ZBTB43: variants seen among roughly 807,000 people sequenced by gnomAD.
ZBTB43 encodes the protein zinc finger and BTB domain containing 43.
ZBTB43 carries 6 observed loss-of-function variants against 31.1 expected under a neutral mutation model. The ratio of observed to expected loss-of-function variants is 0.19; its 90% CI spans 0.11 to 0.38. ZBTB43 has a LOEUF of 0.38. Among genes scored for constraint, ZBTB43 ranks in the 10% least tolerant of loss-of-function variants. ZBTB43 has a pLI of 1.00. For missense variants in ZBTB43, 379 were observed against 602.1 expected (o/e 0.63, Z 3.88); for synonymous variants, 212 against 221.7 (o/e 0.96, Z 0.39).
rs185324502 is a variant in ZBTB43 at position 126,837,275 on chromosome 9, T to C, written c.*3362T>C. On this transcript the variant is annotated 3_prime_UTR_variant, in exon 3 of 3. Transcript: ENST00000373464. ...CGCTCCAGGCCCCCAGCCTGTTGAT[T>C]CCGATTTCTAGGTCTCATCTTCCTC... is the stretch of plus-strand genomic sequence containing the variant. 22 of 167,194 alleles carry C rather than the reference T, an allele frequency of 1.3e-4. No homozygotes were observed. The highest frequency in any genetic ancestry group is 4.6e-4 in the African/African-American group (19 of 41,560). 10.4% of individuals were successfully genotyped at this position (167,194 alleles called of 1,614,324 possible).
At chr9:126,826,411 T>C (rs1339451680) in intron 2 of ZBTB43, among the ~76,000 whole-genome samples, 3 of 149,582 alleles carry the variant, frequency 2.0e-5, no homozygotes, top group Non-Finnish European at 4.4e-5. Flanking sequence ...CCTTCCAAAG[T>C]GCTGAGATTA....
rs1254058190 is a variant in ZBTB43, at chr9:126,838,107, TTTAC to T, written c.*4198_*4201del. On this transcript the variant is annotated 3_prime_UTR_variant, in exon 3 of 3. Coordinates refer to ENST00000373464, the MANE Select transcript of ZBTB43 (RefSeq NM_014007.4). ...TGCTGTCTTCAGTGTACAGCATGGT[TTTAC>T]TTAATTGAATGTTAATGTTTAATAT... 6.0e-6 allele frequency: 1 copy of T among 166,828 alleles called. No homozygotes were observed. The highest frequency in any genetic ancestry group is 1.5e-5 in the Non-Finnish European group (1 of 68,108). The allele number at this position is 166,828 out of a possible 1,614,324, so 10.3% of individuals were successfully genotyped here.
At chr9:126,821,713 C>G (rs1003858713) in intron 2 of ZBTB43, among the ~76,000 whole-genome samples, 5 of 152,166 alleles carry the variant, frequency 3.3e-5, no homozygotes, top group Non-Finnish European at 7.3e-5. Context: ...GGACTCTACT[C>G]CTGGTGAAGA....
chr9:126,813,719 A>G (rs1043724963), intron 2 of ZBTB43, among the ~76,000 whole-genome samples: 1 of 151,848 alleles, frequency 6.6e-6, no homozygotes, highest in South Asian at 2.1e-4. Context: ...GTGATTTATA[A>G]TTTTTCTTTC....
chr9:126,821,618 C>G (rs2032510176), intron 2 of ZBTB43, among the ~76,000 whole-genome samples: 4 of 152,130 alleles, frequency 2.6e-5, no homozygotes. Flanking sequence ...GAAGATGGGA[C>G]TGAATTATTG....
intron 1 of ZBTB43, among the ~76,000 whole-genome samples, chr9:126,805,846 C>T (rs1166431925): frequency 6.8e-6 from 1 of 146,600 alleles, no homozygotes; most frequent in Non-Finnish European, 1.5e-5. Flanking sequence ...TGCCTCTTGT[C>T]TCTCTTTCCT....
chr9:126,806,660 A>C (rs1235538562), intron 1 of ZBTB43, among the ~76,000 whole-genome samples: 2 of 152,244 alleles, frequency 1.3e-5, no homozygotes, highest in African/African-American at 4.8e-5. Context: ...AATACAAAAA[A>C]CAAAAACAGT....
Position 126,833,902 on chromosome 9 carries a change from G to A in ZBTB43, c.1393G>A (p.Glu465Lys), listed in dbSNP as rs1407319320. ...TGCAAAGGCTGAGCAGAATACAACT[G>A]AGGCTAACTAAAAATAGGATCTGGC... ...EAAKAEQNTT[E>K]AN Residue 465 changes from glutamate to lysine, a missense_variant, in exon 3 of 3, where the codon GAG (glutamate) becomes AAG (lysine). Around this residue, in one of 5 missense-constraint regions of ZBTB43, gnomAD observed 21 missense variants for 22.4 expected, o/e 0.94. Coordinates refer to ENST00000373464, the MANE Select transcript of ZBTB43 (RefSeq NM_014007.4). This position sits in a 1 kb window ranked among gnomAD's most constrained non-coding sequence, Gnocchi z 7.9. 1.9e-6 allele frequency: 3 copies of A among 1,574,532 alleles called. No homozygotes were observed. Among genetic ancestry groups the A allele is most frequent in the Non-Finnish European group, 1.7e-6 (2 of 1,151,730 alleles).
chr9:126,815,188 A>G (rs1309551514), intron 2 of ZBTB43, among the ~76,000 whole-genome samples: 2 of 148,776 alleles, frequency 1.3e-5, no homozygotes, highest in Non-Finnish European at 3.0e-5. Context: ...TGTATTGTTT[A>G]TATATATAGT....
rs144022095 is a variant in ZBTB43, at chr9:126,833,726, G to A, written c.1217G>A (p.Gly406Asp). 6.2e-6 allele frequency: 10 copies of A among 1,610,024 alleles called. No individual in the cohort carries two copies. The highest frequency in any genetic ancestry group is 8.5e-6 in the Non-Finnish European group (10 of 1,176,564). The change falls in exon 3 of 3, where the codon GGT becomes GAT. Residue 406 changes from glycine to aspartate, a missense_variant. By Grantham distance (94) the Gly-to-Asp change is moderately conservative. Around this residue, in one of 5 missense-constraint regions of ZBTB43, gnomAD observed 23 missense variants for 105.1 expected, o/e 0.22. Transcript: ENST00000373464. The surrounding 1 kb of genome is among the most constrained non-coding windows in gnomAD (Gnocchi z 7.9). ...GLRPYGCGVC[G>D]KKFKMKHHLV... ...CGGCCTTACGGCTGTGGGGTCTGCG[G>A]TAAGAAATTCAAAATGAAGCACCAT...
intron 1 of ZBTB43, among the ~76,000 whole-genome samples, chr9:126,807,180 T>G (rs1252381625): frequency 6.6e-6 from 1 of 152,222 alleles, no homozygotes; most frequent in Non-Finnish European, 1.5e-5. Flanking sequence ...ATGCTGTTAT[T>G]TCATGTACCA....
chr9:126,818,130 T>C (rs919098155), intron 2 of ZBTB43, among the ~76,000 whole-genome samples: 9 of 149,304 alleles, frequency 6.0e-5, no homozygotes, highest in Admixed American at 3.3e-4. Flanking sequence ...TTTTTTTTTT[T>C]TTTTCCTTTT....
At position 126,832,949 on chromosome 9, in the gene ZBTB43, G is replaced by A. The variant is rs1377013341; in HGVS notation, c.440G>A (p.Ser147Asn). 1 of 1,613,704 alleles carries A rather than the reference G, an allele frequency of 6.2e-7. No homozygotes were observed. Among genetic ancestry groups the A allele is most frequent in the Non-Finnish European group, 8.5e-7 (1 of 1,180,036 alleles). Residue 147 changes from serine (S) to asparagine (N), a missense_variant, in exon 3 of 3, where the codon AGT becomes AAT. This residue lies in a region of ZBTB43 where 253 missense variants were observed against 322.3 expected (regional missense o/e 0.79). Coordinates refer to ENST00000373464, the MANE Select transcript of ZBTB43 (RefSeq NM_014007.4). Reference protein sequence around the residue: ...GSDHQSPSSSSYNGLVESFEL... With the variant: ...GSDHQSPSSSNYNGLVESFEL... ...GACCACCAGTCACCAAGCAGCAGTAGTTATAATGGCCTGGTAGAGAGCTTT... is the reference window on the plus strand; with the variant it reads ...GACCACCAGTCACCAAGCAGCAGTAATTATAATGGCCTGGTAGAGAGCTTT...
At chr9:126,810,764 A>G (rs1010929426) in intron 2 of ZBTB43, among the ~76,000 whole-genome samples, 13 of 151,060 alleles carry the variant, frequency 8.6e-5, no homozygotes, top group Non-Finnish European at 1.8e-4. Context: ...CGGCCTCCCA[A>G]AGTACTGGGA....
At position 126,832,770 on chromosome 9, in the gene ZBTB43, T is replaced by C; in HGVS notation, c.261T>C (p.Ser87=). ...NPRVFENILL[S]SYTGRLVMPA... ...GAGTGTTTGAGAACATTCTCCTATC[T>C]AGTTATACAGGACGTCTAGTAATGC... Residue 87 remains serine (S), a synonymous_variant, in exon 3 of 3, where the codon TCT becomes TCC. Transcript: ENST00000373464. The C allele has an allele frequency of 6.2e-7, 1 of 1,614,150 alleles. No homozygotes were observed. The highest frequency in any genetic ancestry group is 8.5e-7 in the Non-Finnish European group (1 of 1,180,026).
In ZBTB43 at chr9:126,837,922, G is replaced by GT. The variant is rs2032918672; in HGVS notation, c.*4012dup. ...TCTTTCCTTTTGTGAGGTTCCCAAT[G>GT]TTTCGTCCAGAAAAGTACTTTATTT... On this transcript the variant is annotated 3_prime_UTR_variant, in exon 3 of 3. Transcript: ENST00000373464. 6.1e-6 allele frequency: 1 copy of GT among 165,222 alleles called. No homozygotes were observed. The highest frequency in any genetic ancestry group is 2.1e-4 in the South Asian group (1 of 4,776). 10.2% of individuals were successfully genotyped at this position (165,222 alleles called of 1,614,324 possible).
At chr9:126,812,986 T>C (rs2032281856) in intron 2 of ZBTB43, among the ~76,000 whole-genome samples, 1 of 151,890 alleles carries the variant, frequency 6.6e-6, no homozygotes, top group Non-Finnish European at 1.5e-5. Context: ...TTTTTTTTTT[T>C]TTCTTTTTTT....
chr9:126,830,082 C>T (rs1325572314), intron 2 of ZBTB43, among the ~76,000 whole-genome samples: 2 of 152,148 alleles, frequency 1.3e-5, no homozygotes, highest in African/African-American at 2.4e-5. Flanking sequence ...ATCACATAGA[C>T]TTTAGAGTCA....
intron 2 of ZBTB43, among the ~76,000 whole-genome samples, chr9:126,826,634 T>G (rs2032646984): frequency 1.3e-5 from 2 of 151,640 alleles, no homozygotes; most frequent in Non-Finnish European, 2.9e-5. Flanking sequence ...TGGCTAATTT[T>G]TTGTATTTTT....
Sources: gnomAD v4.1 joint callset for allele counts (sites outside exome capture counted in the v4.1 genomes callset) on GRCh38, gnomAD v4.1.1 for gene constraint, gnomAD v4.1.1 regional missense constraint, Gnocchi (gnomAD v3.1) non-coding constraint, MANE v1.5 for transcripts, NCBI Gene and HGNC (gene_info 2026-07-23, HGNC 2026-07-21) for gene names.